Variants in CERS6 observed in about 807,000 individuals in gnomAD.
The protein encoded by CERS6 is ceramide synthase 6.
In CERS6, 26 loss-of-function variants were observed where a neutral mutation model predicts 56.8. The ratio of observed to expected loss-of-function variants is 0.46; its 90% confidence interval spans 0.34 to 0.63. The LOEUF (loss-of-function observed/expected upper bound fraction) is 0.63, where lower values mean the gene tolerates loss of function less well. CERS6 is among the 30% of genes least tolerant of loss of function. CERS6 has a pLI of 0.01. For synonymous variants in CERS6, 164 were observed against 173.3 expected, an observed-to-expected ratio of 0.95 and a Z score of 0.42; for missense variants, 415 against 467.5, an observed-to-expected ratio of 0.89 and a Z score of 1.04.
chr2:168,573,928 G>A lies in CERS6; in HGVS notation c.407+12606G>A, dbSNP rs116686258. On this transcript the variant is annotated intron_variant, in intron 3 of 9. Transcript: ENST00000305747. Reference sequence around the variant, plus strand: ...GAATGTAGGCTATGTAGTATTTTATGAGAAGGTAGGAAGGGATTAAAACTG... The same window carrying A: ...GAATGTAGGCTATGTAGTATTTTATAAGAAGGTAGGAAGGGATTAAAACTG... Among the ~76,000 whole-genome samples, 426 of 152,276 alleles carry A rather than the reference G, an allele frequency of 2.8e-3. 8 individuals are homozygous for A. Among genetic ancestry groups the A allele is most frequent in the African/African-American group, 9.8e-3 (405 of 41,534 alleles).
intron 1 of CERS6, among the ~76,000 whole-genome samples, chr2:168,466,434 A>G (rs1366689185): frequency 6.6e-6 from 1 of 152,188 alleles, no homozygotes; most frequent in Non-Finnish European, 1.5e-5. Flanking sequence ...ATCAGATTTC[A>G]TCTTCCTCCC....
intron 1 of CERS6, among the ~76,000 whole-genome samples, chr2:168,503,298 C>T (rs113727119): frequency 5.3e-5 from 8 of 152,048 alleles, no homozygotes; most frequent in South Asian, 2.1e-4. Context: ...AGTTCTTTAT[C>T]GCAGTGTGAA....
In CERS6 at chr2:168,652,575, TAAA is replaced by T. The variant is rs35961972; in HGVS notation, c.465+21545_465+21547del. Reference sequence around the variant, plus strand: ...TTTTAAAGCCAAGGGAAAAAAGTGTTAAAAAAAAAAAAAAGGAAAAATTAATGA... The same window carrying T: ...TTTTAAAGCCAAGGGAAAAAAGTGTTAAAAAAAAAAAGGAAAAATTAATGA... On this transcript the variant is annotated intron_variant, in intron 4 of 9. Coordinates refer to ENST00000305747, the MANE Select transcript of CERS6 (RefSeq NM_203463.3). Among the ~76,000 whole-genome samples the T allele has an allele frequency of 4.1e-3, 565 of 139,084 alleles. 3 individuals are homozygous for T. Among genetic ancestry groups the T allele is most frequent in the Middle Eastern group, 0.015 (4 of 272 alleles). 91.2% of individuals were successfully genotyped at this position (139,084 alleles called of 152,430 possible).
chr2:168,494,186 C>T (rs1215197839), intron 1 of CERS6, among the ~76,000 whole-genome samples: 1 of 152,210 alleles, frequency 6.6e-6, no homozygotes, highest in East Asian at 1.9e-4. Context: ...TTAATATGGT[C>T]TGCTCTTTAC....
chr2:168,466,873 A>G (rs1177041711), intron 1 of CERS6, among the ~76,000 whole-genome samples: 1 of 152,176 alleles, frequency 6.6e-6, no homozygotes, highest in Non-Finnish European at 1.5e-5. Flanking sequence ...GCATTCCTTC[A>G]CTAGGTAACC....
At chr2:168,724,390 A>G (rs1184743651) in intron 8 of CERS6, among the ~76,000 whole-genome samples, 1 of 152,152 alleles carries the variant, frequency 6.6e-6, no homozygotes, top group Non-Finnish European at 1.5e-5. Context: ...CAAAGCTTCC[A>G]CAGTGTGGAA....
At chr2:168,665,568 A>C (rs1319248883) in intron 4 of CERS6, among the ~76,000 whole-genome samples, 1 of 152,026 alleles carries the variant, frequency 6.6e-6, no homozygotes, top group Non-Finnish European at 1.5e-5. Context: ...TCTCCCCCTT[A>C]ACCTTCTCTT....
intron 8 of CERS6, among the ~76,000 whole-genome samples, chr2:168,741,325 C>A (rs984617346): frequency 6.7e-6 from 1 of 149,424 alleles, no homozygotes; most frequent in Non-Finnish European, 1.5e-5. Context: ...TCATAAATAT[C>A]CAAGAGGAGG....
intron 3 of CERS6, among the ~76,000 whole-genome samples, chr2:168,610,487 A>G (rs200229925): frequency 6.6e-6 from 1 of 152,198 alleles, no homozygotes; most frequent in African/African-American, 2.4e-5. Context: ...TGTTAGCATA[A>G]TAACAAATAG....
intron 8 of CERS6, among the ~76,000 whole-genome samples, chr2:168,727,871 G>T (rs1683393455): frequency 6.6e-6 from 1 of 152,192 alleles, no homozygotes; most frequent in Admixed American, 6.5e-5. Context: ...TATCTTTTGG[G>T]CATAAGGTAT....
chr2:168,510,019 A>G (rs1453173937), intron 1 of CERS6, among the ~76,000 whole-genome samples: 3 of 152,186 alleles, frequency 2.0e-5, no homozygotes, highest in African/African-American at 7.2e-5. Context: ...CATGCCCAAA[A>G]AATATAATCA....
intron 3 of CERS6, among the ~76,000 whole-genome samples, chr2:168,589,210 T>C (rs1281199035): frequency 6.6e-6 from 1 of 152,234 alleles, no homozygotes; most frequent in East Asian, 1.9e-4. Context: ...TACCTTTTAC[T>C]TTGTTTTTTT....
intron 8 of CERS6, among the ~76,000 whole-genome samples, chr2:168,737,237 A>G (rs1339818306): frequency 1.3e-5 from 2 of 152,206 alleles, no homozygotes; most frequent in African/African-American, 4.8e-5. Context: ...GGTCTCAGGA[A>G]AAACACAATG....
chr2:168,568,654 G>A (rs1695926196), intron 3 of CERS6, among the ~76,000 whole-genome samples: 1 of 152,202 alleles, frequency 6.6e-6, no homozygotes, highest in African/African-American at 2.4e-5. Flanking sequence ...TTCTTGAAAT[G>A]TTTTTAATAG....
intron 8 of CERS6, among the ~76,000 whole-genome samples, chr2:168,732,900 T>G (rs1683586459): frequency 6.6e-6 from 1 of 152,216 alleles, no homozygotes; most frequent in South Asian, 2.1e-4. Context: ...AAAGTGATGC[T>G]TGGTTGTGTG....
intron 1 of CERS6, among the ~76,000 whole-genome samples, chr2:168,516,110 A>G (rs1347226933): frequency 6.6e-6 from 1 of 152,172 alleles, no homozygotes; most frequent in Non-Finnish European, 1.5e-5. Flanking sequence ...ATTCAAAACC[A>G]CTTACATTTT....
At chr2:168,675,261 C>G (rs62174387) in intron 4 of CERS6, among the ~76,000 whole-genome samples, 1 of 151,908 alleles carries the variant, frequency 6.6e-6, no homozygotes, top group Non-Finnish European at 1.5e-5. Flanking sequence ...CGTGAGCCAC[C>G]GCGCCCAGTT....
At chr2:168,627,361 A>T (rs1684613344) in intron 3 of CERS6, among the ~76,000 whole-genome samples, 1 of 152,208 alleles carries the variant, frequency 6.6e-6, no homozygotes, top group Admixed American at 6.5e-5. Context: ...GGTGGGTCAG[A>T]ATAGGCTGAA....
At position 168,561,237 on chromosome 2, in the gene CERS6, T is replaced by C; in HGVS notation, c.322T>C (p.Trp108Arg). The change falls in exon 3 of 10, where the codon TGG (tryptophan) becomes CGG (arginine). Residue 108 changes from tryptophan (W) to arginine (R), a missense_variant. Trp to Arg is a moderately radical substitution (Grantham distance 101). Transcript: ENST00000305747. ...RLEGLSKQLDWDVRSIQRWFR... is the reference protein window; with the variant it reads ...RLEGLSKQLDRDVRSIQRWFR... ...GGAAGGCCTCTCCAAGCAACTGGACTGGGATGTTCGAAGCATTCAGCGCTG... is the reference window on the plus strand; with the variant it reads ...GGAAGGCCTCTCCAAGCAACTGGACCGGGATGTTCGAAGCATTCAGCGCTG... 6.2e-7 allele frequency: 1 copy of C among 1,614,080 alleles called. No homozygotes were observed. The highest frequency in any genetic ancestry group is 2.2e-5 in the East Asian group (1 of 44,876).
Sources: allele counts gnomAD v4.1 joint callset (sites outside exome capture counted in the v4.1 genomes callset), GRCh38; gene constraint gnomAD v4.1.1; transcripts MANE v1.5; gene names NCBI Gene and HGNC (gene_info 2026-07-23, HGNC 2026-07-21).